The following NSD3 variants were observed in gnomAD, a reference collection of about 807,000 sequenced individuals.
NSD3 encodes the protein nuclear receptor binding SET domain protein 3, also known as histone-lysine N-methyltransferase NSD3.
A neutral mutation model predicts 160.8 loss-of-function variants in NSD3; 24 were observed. The ratio of observed to expected loss-of-function variants is 0.15; its 90% CI spans 0.11 to 0.21. The LOEUF is 0.21. Ranked by LOEUF, NSD3 falls within the 10% of genes least tolerant of loss-of-function variation. The pLI is 1.00. For synonymous variants in NSD3, 520 were observed against 600.0 expected, an observed-to-expected ratio of 0.87 and a Z score of 1.95; for missense variants, 1,157 against 1,735.9, an observed-to-expected ratio of 0.67 and a Z score of 5.93.
At chr8:38,302,785 C>T (rs1563348064) in intron 14 of NSD3, among the ~76,000 whole-genome samples, 1 of 152,172 alleles carries the variant, frequency 6.6e-6, no homozygotes, top group Non-Finnish European at 1.5e-5. Flanking sequence ...CAGGCACACA[C>T]CACCATGCTT....
intron 1 of NSD3, among the ~76,000 whole-genome samples, chr8:38,374,152 G>A (rs189197539): frequency 2.0e-5 from 3 of 151,502 alleles, no homozygotes; most frequent in Non-Finnish European, 4.4e-5. Flanking sequence ...TGGCACATGT[G>A]TGTAGTCATA....
At chr8:38,339,681 A>T (rs1291059047) in intron 2 of NSD3, among the ~76,000 whole-genome samples, 3 of 151,158 alleles carry the variant, frequency 2.0e-5, no homozygotes, top group East Asian at 3.9e-4. Context: ...AGCCGAGATC[A>T]TGCCACTGCA....
intron 12 of NSD3, among the ~76,000 whole-genome samples, chr8:38,309,544 T>G (rs1346352102): frequency 6.6e-6 from 1 of 151,802 alleles, no homozygotes. Context: ...CTACAGCTAA[T>G]CAGGAGGCTG....
Position 38,348,033 on chromosome 8 carries a change from T to C in NSD3, c.139A>G (p.Thr47Ala). ...TGCTGCAAAGTAGCTTCATATGGTG[T>C]CTGGCCACCATCTTCAGCAATGTCA... ...NSDIAEDGGQ[T>A]PYEATLQQGF... is the part of the protein sequence containing the mutation. Residue 47 changes from threonine to alanine, a missense_variant, in exon 2 of 24, where the codon ACA (threonine) becomes GCA (alanine). Thr to Ala is a moderately conservative substitution (Grantham distance 58, BLOSUM62 0). Transcript: ENST00000317025. The C allele has an allele frequency of 1.2e-6, 2 of 1,614,244 alleles. No individual in the cohort carries two copies. The highest frequency in any genetic ancestry group is 1.7e-6 in the Non-Finnish European group (2 of 1,180,052).
intron 19 of NSD3, among the ~76,000 whole-genome samples, chr8:38,287,493 C>T (rs768469595): frequency 2.2e-4 from 33 of 152,034 alleles, no homozygotes; most frequent in Non-Finnish European, 4.7e-4. Context: ...TAAAAGGCTA[C>T]CTATCAAACT....
chr8:38,317,889 GC>G lies in NSD3; in HGVS notation c.1855+1005del, dbSNP rs1809707771. ...AAACAAAGAAACTGTTTATCAAGCC[GC>G]CGACAAAGAAATCTTGCATGGAGAC... On this transcript the variant is annotated intron_variant, in intron 9 of 23. Transcript: ENST00000317025. This position sits in a 1 kb window ranked among gnomAD's most constrained non-coding sequence, Gnocchi z 5.3. 6.2e-7 allele frequency: 1 copy of G among 1,600,554 alleles called. No individual in the cohort carries two copies. The highest frequency in any genetic ancestry group is 1.7e-5 in the Admixed American group (1 of 57,476).
At chr8:38,363,639 C>CAAA (rs768805402) in intron 1 of NSD3, among the ~76,000 whole-genome samples, 19 of 48,650 alleles carry the variant, frequency 3.9e-4, no homozygotes, top group Admixed American at 6.7e-4. Context: ...GACTCCGTCT[C>CAAA]AAAAAAAAAA....
chr8:38,381,757 CACACACACACACACACAT>C (rs1811580426), intron 1 of NSD3, 24 bp downstream of exon 1: 1 of 101,652 alleles, frequency 9.8e-6, no homozygotes, highest in African/African-American at 3.3e-5. Flanking sequence ...CACACACACA[CACACACACACACACACAT>C]ACACACACGC....
chr8:38,374,821 G>A (rs1018508006), intron 1 of NSD3, among the ~76,000 whole-genome samples: 3 of 152,134 alleles, frequency 2.0e-5, no homozygotes, highest in East Asian at 1.9e-4. Context: ...TAGCTAACAC[G>A]GTGAAAACCC....
chr8:38,305,379 C>T lies in NSD3; in HGVS notation c.2309G>A (p.Cys770Tyr). ...KDVKRCSVGA[C>Y]GKFYHEACVR... ...ACAGGCTTCATGATAAAATTTCCCA[C>T]AAGCACCAACAGAACAACGCTTCAC... Residue 770 changes from cysteine (C) to tyrosine (Y), a missense_variant, in exon 13 of 24, where the codon TGT (cysteine) becomes TAT (tyrosine). Physicochemically the swap from Cys to Tyr is radical, Grantham distance 194 (BLOSUM62 -2). Coordinates refer to ENST00000317025, the MANE Select transcript of NSD3 (RefSeq NM_023034.2). 1 of 1,614,174 alleles carries T rather than the reference C, an allele frequency of 6.2e-7. No individual in the cohort carries two copies. The highest frequency in any genetic ancestry group is 8.5e-7 in the Non-Finnish European group (1 of 1,180,032).
intron 1 of NSD3, among the ~76,000 whole-genome samples, chr8:38,379,727 T>A (rs568854828): frequency 6.6e-6 from 1 of 152,348 alleles, no homozygotes; most frequent in South Asian, 2.1e-4. Flanking sequence ...TTCAACTGGT[T>A]TGAGTCCACC....
At chr8:38,339,640 T>G (rs1031650233) in intron 2 of NSD3, among the ~76,000 whole-genome samples, 3 of 151,514 alleles carry the variant, frequency 2.0e-5, no homozygotes, top group Non-Finnish European at 4.4e-5. Context: ...GCAGGAGGAT[T>G]GCTTGAACCT....
chr8:38,303,230 A>C, intron 14 of NSD3: 1 of 985,066 alleles, frequency 1.0e-6, no homozygotes, highest in Non-Finnish European at 1.2e-6. Flanking sequence ...ATAATACAAT[A>C]ATTTTTTCTT....
rs1809635148 is a variant in NSD3, at chr8:38,315,506, A to G, written c.2025T>C (p.Thr675=). ...FGKQVDSPSA[T]ADADVSDVQS... ...GCACATCAGAAACGTCTGCATCTGC[A>G]GTAGCTGAAGGGCTATCTACTTGCT... Residue 675 remains threonine (T), a synonymous_variant, in exon 11 of 24, where the codon ACT becomes ACC. Coordinates refer to ENST00000317025, the MANE Select transcript of NSD3 (RefSeq NM_023034.2). 6.2e-7 allele frequency: 1 copy of G among 1,613,484 alleles called. No individual in the cohort carries two copies. Among genetic ancestry groups the G allele is most frequent in the African/African-American group, 1.3e-5 (1 of 74,922 alleles).
chr8:38,358,671 A>G (rs1197305535), intron 1 of NSD3, among the ~76,000 whole-genome samples: 1 of 152,212 alleles, frequency 6.6e-6, no homozygotes, highest in African/African-American at 2.4e-5. Flanking sequence ...AAGCTATCAA[A>G]TATATTCATA....
rs184766382 is a variant in NSD3 at position 38,322,515 on chromosome 8, C to T, written c.1709-1343G>A. Among the ~76,000 whole-genome samples, 10 of 152,116 alleles carry T rather than the reference C, an allele frequency of 6.6e-5. No individual in the cohort carries two copies. The South Asian group carries it at 8.3e-4, about 13-fold the overall frequency. ...AAATGAAAATGGAATTGCTTAAAAA[C>T]GAACAAAAAAATATTTACTTGTGTT... is the stretch of plus-strand genomic sequence containing the variant. On this transcript the variant is annotated intron_variant, in intron 7 of 23. Coordinates refer to ENST00000317025, the MANE Select transcript of NSD3 (RefSeq NM_023034.2).
chr8:38,352,891 GAA>G (rs992797491), intron 1 of NSD3, among the ~76,000 whole-genome samples: 10 of 152,132 alleles, frequency 6.6e-5, no homozygotes, highest in African/African-American at 2.4e-4. Context: ...TCAGTTCTGG[GAA>G]AAGAATTCTT....
At chr8:38,341,533 G>A (rs187448809) in intron 2 of NSD3, among the ~76,000 whole-genome samples, 53 of 145,672 alleles carry the variant, frequency 3.6e-4, no homozygotes, top group Middle Eastern at 7.3e-3. Flanking sequence ...GCGAGACTCC[G>A]TCTCAAAAAA....
chr8:38,283,758 CTTT>C (rs1257008054), intron 19 of NSD3, among the ~76,000 whole-genome samples: 1 of 152,084 alleles, frequency 6.6e-6, no homozygotes, highest in African/African-American at 2.4e-5. Flanking sequence ...TGACCACTGG[CTTT>C]TTCTCTCTCT....
Sources: gnomAD v4.1 joint callset for allele counts (sites outside exome capture counted in the v4.1 genomes callset) on GRCh38, gnomAD v4.1.1 for gene constraint, Gnocchi (gnomAD v3.1) non-coding constraint, MANE v1.5 for transcripts, NCBI Gene and HGNC (gene_info 2026-07-23, HGNC 2026-07-21) for gene names.